The following ZSCAN5A variants were observed in gnomAD, a reference collection of about 807,000 sequenced individuals.
ZSCAN5A encodes zinc finger and SCAN domain-containing protein 5A.
ZSCAN5A carries 12 observed loss-of-function variants against 23.7 expected under a neutral mutation model. The observed-to-expected ratio is 0.51, with a 90% CI of 0.32 to 0.82. The LOEUF (loss-of-function observed/expected upper bound fraction) is 0.82. Ranked by LOEUF, ZSCAN5A falls within the 40% of genes least tolerant of loss-of-function variation. The probability of loss-of-function intolerance (pLI) is 0.03; values close to 1 mark genes in which losing one functional copy is unlikely to be tolerated. For synonymous variants in ZSCAN5A, 257 were observed against 239.9 expected (o/e 1.07, Z -0.66); for missense variants, 597 against 617.9 (o/e 0.97, Z 0.36).
chr19:56,239,051 A>C (rs1018321344), intron 2 of ZSCAN5A, among the ~76,000 whole-genome samples: 8 of 152,240 alleles, frequency 5.3e-5, no homozygotes, highest in Admixed American at 4.6e-4. Flanking sequence ...ACTTTTTGGC[A>C]AAATGACCTT....
chr19:56,271,414 C>T (rs1600144078), intron 2 of ZSCAN5A, among the ~76,000 whole-genome samples: 3 of 152,188 alleles, frequency 2.0e-5, no homozygotes, highest in South Asian at 4.1e-4. Context: ...CCGCATAGCA[C>T]CGGATGTGAA....
intron 2 of ZSCAN5A, among the ~76,000 whole-genome samples, chr19:56,280,135 T>G (rs916642426): frequency 2.0e-5 from 3 of 152,200 alleles, no homozygotes; most frequent in African/African-American, 7.2e-5. Context: ...AAATGTGTAT[T>G]TATATATTCA....
At chr19:56,333,341 A>C (rs2041506308) in intron 2 of ZSCAN5A, among the ~76,000 whole-genome samples, 1 of 151,438 alleles carries the variant, frequency 6.6e-6, no homozygotes, top group Admixed American at 6.6e-5. Flanking sequence ...TTTCTCAAAG[A>C]CTTTATTTTT....
chr19:56,245,947 G>C (rs1037195745), intron 2 of ZSCAN5A, among the ~76,000 whole-genome samples: 6 of 152,160 alleles, frequency 3.9e-5, no homozygotes, highest in African/African-American at 1.2e-4. Flanking sequence ...CCCCCTCCAG[G>C]AGGGTGATGC....
At chr19:56,237,900 G>T (rs901124930) in intron 2 of ZSCAN5A, among the ~76,000 whole-genome samples, 1 of 130,924 alleles carries the variant, frequency 7.6e-6, no homozygotes, top group Non-Finnish European at 1.6e-5. Flanking sequence ...CTGGGTGGCA[G>T]AGTGAGGTTC....
chr19:56,233,435 T>C (rs1348305284), intron 2 of ZSCAN5A, among the ~76,000 whole-genome samples: 7 of 152,112 alleles, frequency 4.6e-5, no homozygotes, highest in East Asian at 1.9e-4. Context: ...CTGGAGATGA[T>C]TGGATATTAC....
At chr19:56,239,527 G>C (rs530615588) in intron 2 of ZSCAN5A, among the ~76,000 whole-genome samples, 204 of 152,320 alleles carry the variant, frequency 1.3e-3, no homozygotes, top group African/African-American at 4.6e-3. Flanking sequence ...CACCGTCCTG[G>C]AGTGAGTGCA....
chr19:56,295,319 C>T (rs139171804), intron 2 of ZSCAN5A, among the ~76,000 whole-genome samples: 265 of 152,214 alleles, frequency 1.7e-3, no homozygotes, highest in Middle Eastern at 6.8e-3. Context: ...AAAGGCCTGG[C>T]ATGGTAGCTC....
At chr19:56,332,180 C>T (rs1235415493) in intron 2 of ZSCAN5A, among the ~76,000 whole-genome samples, 1 of 152,046 alleles carries the variant, frequency 6.6e-6, no homozygotes, top group African/African-American at 2.4e-5. Flanking sequence ...CTATTAGGGC[C>T]AATTGGTCAA....
At chr19:56,341,288 G>A (rs1292943057) in intron 2 of ZSCAN5A, 2 of 152,172 alleles carry the variant, frequency 1.3e-5, no homozygotes, top group East Asian at 3.8e-4. Context: ...CAGTTGATTG[G>A]TGTACCTGAA....
chr19:56,303,367 G>T (rs187673394), intron 2 of ZSCAN5A, among the ~76,000 whole-genome samples: 8 of 151,962 alleles, frequency 5.3e-5, no homozygotes, highest in Admixed American at 5.2e-4. Flanking sequence ...AATCCCAGCT[G>T]CTCGGGAGGC....
intron 2 of ZSCAN5A, among the ~76,000 whole-genome samples, chr19:56,269,269 C>G (rs2037679602): frequency 6.6e-6 from 1 of 152,178 alleles, no homozygotes; most frequent in Non-Finnish European, 1.5e-5. Flanking sequence ...TCCAATTTCT[C>G]CACATCCCCT....
intron 2 of ZSCAN5A, among the ~76,000 whole-genome samples, chr19:56,268,916 A>G (rs2037652732): frequency 6.6e-6 from 1 of 152,204 alleles, no homozygotes; most frequent in Admixed American, 6.5e-5. Context: ...TTTACTTTGC[A>G]TAATATTTTC....
intron 2 of ZSCAN5A, among the ~76,000 whole-genome samples, chr19:56,227,312 A>C (rs181516311): frequency 6.6e-6 from 1 of 152,352 alleles, no homozygotes; most frequent in Admixed American, 6.5e-5. Flanking sequence ...GTTTTCAATT[A>C]GAAGCAAATT....
intron 2 of ZSCAN5A, among the ~76,000 whole-genome samples, chr19:56,346,521 C>T (rs545684439): frequency 6.7e-5 from 10 of 148,366 alleles, no homozygotes; most frequent in African/African-American, 2.2e-4. Context: ...GCAAGTAAAA[C>T]TCTAGAAAAA....
At chr19:56,341,144 G>T (rs1039762535) in intron 2 of ZSCAN5A, 1 of 152,116 alleles carries the variant, frequency 6.6e-6, no homozygotes. Context: ...AATTGATCAC[G>T]CAAAAGAAAC....
At chr19:56,321,524 T>A in intron 2 of ZSCAN5A, 1 of 730,758 alleles carries the variant, frequency 1.4e-6, no homozygotes, top group Admixed American at 1.8e-5. Context: ...ACACGCACTT[T>A]CGCTGTCTGT....
chr19:56,327,817 T>C lies in ZSCAN5A; in HGVS notation c.-357-11549A>G, dbSNP rs79119896. Among the ~76,000 whole-genome samples, 6 of 152,170 alleles carry C rather than the reference T, an allele frequency of 3.9e-5. No homozygotes were observed. The East Asian group carries it at 1.2e-3, about 29-fold the overall frequency. On this transcript the variant is annotated intron_variant, in intron 2 of 6. Coordinates refer to the ZSCAN5A transcript ENST00000587340. ...TGCGATACATATGCACTGTAGTTCATGTATTACATATGCATAGTTGTGTGT... is the reference window on the plus strand; with the variant it reads ...TGCGATACATATGCACTGTAGTTCACGTATTACATATGCATAGTTGTGTGT...
Position 56,358,713 on chromosome 19 carries a change from A to G in ZSCAN5A, c.-358+4522T>C, listed in dbSNP as rs574416527. 3.9e-5 allele frequency among the ~76,000 whole-genome samples: 6 copies of G among 152,330 alleles called. No homozygotes were observed. The South Asian group carries it at 1.2e-3, about 32-fold the overall frequency. On this transcript the variant is annotated intron_variant, in intron 2 of 6. Transcript: ENST00000587340. ...GCTCAGCAAATGCAAAAGAACTGAA[A>G]TCATAACAGTCTCTCAGTCCACAGC...
Sources: allele counts gnomAD v4.1 joint callset (sites outside exome capture counted in the v4.1 genomes callset), GRCh38; gene constraint gnomAD v4.1.1; transcripts MANE v1.5; gene names NCBI Gene and HGNC (gene_info 2026-07-23, HGNC 2026-07-21).